Variants in COL12A1 observed in about 807,000 individuals in gnomAD.
The protein encoded by COL12A1 is collagen type XII alpha 1 chain.
In COL12A1, 114 loss-of-function variants were observed where a neutral mutation model predicts 349.7. That is an observed-to-expected ratio of 0.33 (90% confidence interval 0.28 to 0.38). The LOEUF is 0.38. Ranked by LOEUF, COL12A1 falls within the 10% of genes least tolerant of loss-of-function variation. The pLI, the probability that COL12A1 is intolerant of heterozygous loss-of-function variation, is 1.00. For missense variants in COL12A1, 3,284 were observed against 3,756.9 expected (o/e 0.87, Z 3.29); for synonymous variants, 1,369 against 1,329.0 (o/e 1.03, Z -0.66).
chr6:75,123,200 TAA>T, intron 43 of COL12A1, 128 bp downstream of exon 43: 1 of 868,134 alleles, frequency 1.2e-6, no homozygotes, highest in Non-Finnish European at 1.9e-6. Context: ...TCTTTCAATC[TAA>T]AAACTCTTCA....
In COL12A1 at chr6:75,142,132, A is replaced by G; in HGVS notation, c.4857T>C (p.Thr1619=). 6.2e-7 allele frequency: 1 copy of G among 1,614,164 alleles called. No homozygotes were observed. Among genetic ancestry groups the G allele is most frequent in the African/African-American group, 1.3e-5 (1 of 75,054 alleles). ...EVEVDRSETS[T]SLKDLFSQTL... is the part of the protein sequence containing the mutation. ...TCTGTGAGAAGAGGTCTTTGAGGGA[A>G]GTGCTGGTCTCTGATCTGTCCACCT... Residue 1619 remains threonine (T), a synonymous_variant, in exon 27 of 66, where the codon ACT becomes ACC. Transcript: ENST00000322507.
At chr6:75,111,295 G>T (rs996012792) in intron 51 of COL12A1, among the ~76,000 whole-genome samples, 1 of 151,762 alleles carries the variant, frequency 6.6e-6, no homozygotes, top group Admixed American at 6.6e-5. Context: ...GGAAAGAAAA[G>T]ACAGAGCTTG....
At chr6:75,174,667 A>G (rs1479419658) in intron 13 of COL12A1, among the ~76,000 whole-genome samples, 1 of 152,250 alleles carries the variant, frequency 6.6e-6, no homozygotes, top group Non-Finnish European at 1.5e-5. Context: ...TCTGAAAGAT[A>G]GAACTAGCTG....
Position 75,119,319 on chromosome 6 carries a change from T to C in COL12A1, c.7210+31A>G, listed in dbSNP as rs775702802. ...CACTCAGTTCTGCCACTACAAATGC[T>C]TGAAGAGTAAAGGTCTACATATACA... is the stretch of plus-strand genomic sequence containing the variant. On this transcript the variant is annotated intron_variant, in intron 45 of 65. Coordinates refer to ENST00000322507, the MANE Select transcript of COL12A1 (RefSeq NM_004370.6). 6 of 1,606,518 alleles carry C rather than the reference T, an allele frequency of 3.7e-6. No homozygotes were observed. In the Admixed American group the frequency reaches 6.7e-5, roughly 18 times the overall value.
At chr6:75,164,039 C>T (rs1768155921) in intron 14 of COL12A1, among the ~76,000 whole-genome samples, 1 of 152,118 alleles carries the variant, frequency 6.6e-6, no homozygotes, top group African/African-American at 2.4e-5. Context: ...CTTCTCTTGA[C>T]AAGTGAATTT....
At chr6:75,171,906 C>T (rs1027415019) in intron 13 of COL12A1, among the ~76,000 whole-genome samples, 2 of 152,216 alleles carry the variant, frequency 1.3e-5, no homozygotes, top group African/African-American at 2.4e-5. Context: ...CAAAATCAGG[C>T]TGGAGGCCCT....
intron 60 of COL12A1, among the ~76,000 whole-genome samples, chr6:75,093,606 AG>A (rs1263254077): frequency 4.6e-5 from 7 of 152,228 alleles, no homozygotes; most frequent in Non-Finnish European, 1.0e-4. Flanking sequence ...AATTATCGTA[AG>A]AAAAACTAGA....
chr6:75,145,982 T>C, intron 24 of COL12A1, 120 bp downstream of exon 24: 1 of 1,152,968 alleles, frequency 8.7e-7, no homozygotes. Flanking sequence ...CCTACTTTTC[T>C]ATTTTTCCAT....
At chr6:75,104,167 C>T (rs974094125) in intron 54 of COL12A1, among the ~76,000 whole-genome samples, 1 of 152,100 alleles carries the variant, frequency 6.6e-6, no homozygotes, top group Non-Finnish European at 1.5e-5. Flanking sequence ...AGAAGAGTAT[C>T]TTAAATCGCT....
At chr6:75,130,330 A>G in intron 36 of COL12A1, 97 bp from the exon 37 acceptor site, 1 of 1,185,910 alleles carries the variant, frequency 8.4e-7, no homozygotes, top group East Asian at 2.4e-5. Flanking sequence ...TTCACCATTC[A>G]CTCAGATGTT....
chr6:75,149,892 A>G (rs73749972), intron 21 of COL12A1, among the ~76,000 whole-genome samples: 3,636 of 152,254 alleles, frequency 0.024, 140 homozygotes, highest in African/African-American at 0.082. Flanking sequence ...GTTCTCTCCA[A>G]TGGAATAAAA....
intron 49 of COL12A1, 63 bp from the exon 50 acceptor site, chr6:75,113,807 G>T: frequency 1.6e-6 from 2 of 1,284,138 alleles, no homozygotes; most frequent in South Asian, 1.7e-5. Context: ...AAGAAAGAAA[G>T]ATTGATTGCT....
chr6:75,190,064 C>T (rs1015170649), intron 5 of COL12A1, among the ~76,000 whole-genome samples: 2 of 151,878 alleles, frequency 1.3e-5, no homozygotes, highest in African/African-American at 4.8e-5. Flanking sequence ...AGACATTATA[C>T]AAAAAGAGAT....
At chr6:75,197,404 C>T (rs1562325417) in intron 2 of COL12A1, among the ~76,000 whole-genome samples, 1 of 151,680 alleles carries the variant, frequency 6.6e-6, no homozygotes, top group South Asian at 2.1e-4. Flanking sequence ...CCTCAGCCTC[C>T]TAGGTTCAAG....
chr6:75,151,074 A>AC, intron 21 of COL12A1, 67 bp downstream of exon 21: 5 of 136,670 alleles, frequency 3.7e-5, no homozygotes, highest in African/African-American at 7.3e-5. Context: ...CCCCCCACCC[A>AC]AAAGAATAAT....
chr6:75,155,719 C>A lies in COL12A1; in HGVS notation c.3386G>T (p.Arg1129Ile). ...VTFHPTGDDR[R>I]LGELVVGPYD... ...GGGTCCAACCACTAACTCCCCCAGT[C>A]TTCTGTCATCCCCCGTAGGGTGGAA... Residue 1129 changes from arginine (R) to isoleucine (I), a missense_variant, in exon 16 of 66, where the codon AGA becomes ATA. Transcript: ENST00000322507. The A allele has an allele frequency of 6.2e-7, 1 of 1,613,002 alleles. No homozygotes were observed. The highest frequency in any genetic ancestry group is 8.5e-7 in the Non-Finnish European group (1 of 1,179,510).
At chr6:75,097,724 G>A (rs1768121596) in intron 58 of COL12A1, among the ~76,000 whole-genome samples, 1 of 152,220 alleles carries the variant, frequency 6.6e-6, no homozygotes, top group African/African-American at 2.4e-5. Flanking sequence ...GGATGCAGGT[G>A]AGAGGAAAGG....
chr6:75,187,817 A>G (rs1455685262), intron 8 of COL12A1, among the ~76,000 whole-genome samples: 1 of 152,116 alleles, frequency 6.6e-6, no homozygotes, highest in Non-Finnish European at 1.5e-5. Flanking sequence ...TCTTTCTCCC[A>G]TGTATTTAGA....
intron 3 of COL12A1, among the ~76,000 whole-genome samples, chr6:75,193,368 A>G (rs995698855): frequency 1.3e-5 from 2 of 152,176 alleles, no homozygotes; most frequent in Non-Finnish European, 2.9e-5. Flanking sequence ...ACCCCTTTTT[A>G]AGTTTTTAAA....
Sources: allele counts gnomAD v4.1 joint callset (sites outside exome capture counted in the v4.1 genomes callset), GRCh38; gene constraint gnomAD v4.1.1; transcripts MANE v1.5; gene names NCBI Gene and HGNC (gene_info 2026-07-23, HGNC 2026-07-21).